GABRA3: variants seen among roughly 807,000 people sequenced by gnomAD.
The protein encoded by GABRA3 is gamma-aminobutyric acid type A receptor subunit alpha3, also known as gamma-aminobutyric acid receptor subunit alpha-3.
Under a neutral mutation model 30.1 loss-of-function variants are expected in GABRA3, and 10 were observed. That is an observed-to-expected ratio of 0.33 (90% CI 0.20 to 0.56). The LOEUF (loss-of-function observed/expected upper bound fraction) is 0.56. Ranked by LOEUF, GABRA3 falls within the 20% of genes least tolerant of loss-of-function variation. The pLI, the probability that GABRA3 is intolerant of heterozygous loss-of-function variation, is 0.89. For synonymous variants in GABRA3, 151 were observed against 146.8 expected (o/e 1.03, Z -0.21); for missense variants, 233 against 392.0 (o/e 0.59, Z 3.42).
rs185793366 is a variant in GABRA3 at position 152,166,431 on chromosome X, G to A, written c.*1797C>T. On this transcript the variant is annotated 3_prime_UTR_variant, in exon 10 of 10. Transcript: ENST00000370314. Reference sequence around the variant, plus strand: ...TCTTCTAGTCATGAATTTACCTACAGACACAGTCTTAGGAATAATGGGACG... The same window carrying A: ...TCTTCTAGTCATGAATTTACCTACAAACACAGTCTTAGGAATAATGGGACG... 9.2e-5 allele frequency: 8 copies of A among 87,305 alleles called. No individual in the cohort carries two copies. The highest frequency in any genetic ancestry group is 3.2e-4 in the African/African-American group (7 of 22,207). The allele number at this position is 87,305 out of a possible 1,213,427, so 7.2% of individuals were successfully genotyped here.
intron 6 of GABRA3, among the ~76,000 whole-genome samples, chrX:152,217,539 T>C (rs982114484): frequency 9.0e-6 from 1 of 111,696 alleles, no homozygotes; most frequent in Non-Finnish European, 1.9e-5. Flanking sequence ...CTGGTATTGA[T>C]TGGTATCAAG....
intron 6 of GABRA3, among the ~76,000 whole-genome samples, chrX:152,211,031 T>G (rs913077562): frequency 2.8e-4 from 31 of 111,115 alleles, no homozygotes; most frequent in African/African-American, 1.0e-3. Context: ...TTAGTACATA[T>G]GCTTGGGGTA....
intron 8 of GABRA3, among the ~76,000 whole-genome samples, chrX:152,190,397 C>T (rs1937308628): frequency 9.0e-6 from 1 of 111,581 alleles, no homozygotes; most frequent in East Asian, 2.8e-4. Flanking sequence ...CTTCAGAGAC[C>T]TAAAAAGGGT....
At chrX:152,185,522 A>G (rs1220526863) in intron 9 of GABRA3, among the ~76,000 whole-genome samples, 1 of 111,407 alleles carries the variant, frequency 9.0e-6, no homozygotes, top group Non-Finnish European at 1.9e-5. Context: ...CTGGCCATAA[A>G]AAAAAATCTG....
At chrX:152,407,208 T>G (rs903527238) in intron 1 of GABRA3, among the ~76,000 whole-genome samples, 2 of 110,981 alleles carry the variant, frequency 1.8e-5, no homozygotes, top group Non-Finnish European at 3.8e-5. Context: ...TCAAAGTTAG[T>G]AGAAGAAAGG....
chrX:152,376,744 C>T (rs188494841), intron 1 of GABRA3, among the ~76,000 whole-genome samples: 1 of 112,008 alleles, frequency 8.9e-6, no homozygotes, highest in African/African-American at 3.2e-5. Context: ...TAATCATCTA[C>T]ATTCTGCCTT....
intron 9 of GABRA3, among the ~76,000 whole-genome samples, chrX:152,175,266 G>A (rs534102359): frequency 2.0e-4 from 21 of 106,821 alleles, no homozygotes; most frequent in South Asian, 1.2e-3. Context: ...TTTTTTTTTC[G>A]GAGAGAAATA....
chrX:152,294,987 C>A (rs1395432907), intron 3 of GABRA3, among the ~76,000 whole-genome samples: 1 of 111,108 alleles, frequency 9.0e-6, no homozygotes, highest in Non-Finnish European at 1.9e-5. Flanking sequence ...CCCTGTTTGC[C>A]TGGGTATCAC....
intron 4 of GABRA3, among the ~76,000 whole-genome samples, chrX:152,280,683 G>C (rs916018759): frequency 2.7e-5 from 3 of 110,852 alleles, no homozygotes; most frequent in Non-Finnish European, 1.9e-5. Context: ...CATTAAGCTA[G>C]ATGGTTAGTT....
At chrX:152,209,921 A>G (rs192761784) in intron 6 of GABRA3, among the ~76,000 whole-genome samples, 141 of 112,521 alleles carry the variant, frequency 1.3e-3, no homozygotes, top group Non-Finnish European at 1.4e-3. Context: ...CCTTGTATAT[A>G]GTCTCAGTCA....
At chrX:152,428,708 C>A (rs755984252) in intron 1 of GABRA3, among the ~76,000 whole-genome samples, 4 of 111,661 alleles carry the variant, frequency 3.6e-5, no homozygotes, top group African/African-American at 1.3e-4. Context: ...GTAAAGATGA[C>A]AGTGAGTTCT....
At chrX:152,315,004 C>T (rs772100168) in intron 3 of GABRA3, among the ~76,000 whole-genome samples, 1 of 110,800 alleles carries the variant, frequency 9.0e-6, no homozygotes, top group Non-Finnish European at 1.9e-5. Flanking sequence ...GGAGGCAGGA[C>T]CAAATTGCAG....
intron 1 of GABRA3, among the ~76,000 whole-genome samples, chrX:152,440,746 A>G (rs1930904871): frequency 9.0e-6 from 1 of 111,724 alleles, no homozygotes; most frequent in Non-Finnish European, 1.9e-5. Flanking sequence ...CATCATTCTC[A>G]GCAAACTAAC....
intron 1 of GABRA3, among the ~76,000 whole-genome samples, chrX:152,431,991 T>C (rs1312793691): frequency 8.9e-6 from 1 of 112,245 alleles, no homozygotes; most frequent in Non-Finnish European, 1.9e-5. Context: ...AAGTTTGTGG[T>C]AATTTGTTAC....
intron 9 of GABRA3, among the ~76,000 whole-genome samples, chrX:152,188,682 T>C (rs1694551700): frequency 8.9e-6 from 1 of 112,190 alleles, no homozygotes; most frequent in African/African-American, 3.2e-5. Flanking sequence ...AAGGAGTTAA[T>C]AAATTTTATC....
At position 152,233,232 on chromosome X, in the gene GABRA3, C is replaced by T. The variant is rs184885392; in HGVS notation, c.552-8387G>A. ...AGCCCTCTGTCAGATGAGTAGGTTGCGAAAATTTTCTCCCATTTTGTGGGA... is the reference window on the plus strand; with the variant it reads ...AGCCCTCTGTCAGATGAGTAGGTTGTGAAAATTTTCTCCCATTTTGTGGGA... On this transcript the variant is annotated intron_variant, in intron 5 of 9. Transcript: ENST00000370314. Among the ~76,000 whole-genome samples the T allele has an allele frequency of 8.3e-5, 9 of 108,878 alleles. No homozygotes were observed. The South Asian group carries it at 1.6e-3, about 19-fold the overall frequency. 94.5% of individuals were successfully genotyped at this position (108,878 alleles called of 115,157 possible).
At chrX:152,369,415 C>T (rs1928763864) in intron 1 of GABRA3, among the ~76,000 whole-genome samples, 1 of 110,659 alleles carries the variant, frequency 9.0e-6, no homozygotes, top group East Asian at 2.8e-4. Context: ...ACCTGATCTC[C>T]AAATAGCTGG....
intron 1 of GABRA3, among the ~76,000 whole-genome samples, chrX:152,381,989 T>C (rs1290320723): frequency 1.8e-5 from 2 of 111,661 alleles, no homozygotes; most frequent in Non-Finnish European, 3.8e-5. Flanking sequence ...TTTGCTAACA[T>C]GAACAGTGCC....
At chrX:152,249,217 T>C (rs1392249035) in intron 5 of GABRA3, among the ~76,000 whole-genome samples, 2 of 111,197 alleles carry the variant, frequency 1.8e-5, no homozygotes, top group African/African-American at 6.5e-5. Context: ...AGGCAACTTA[T>C]TTACTTGTAG....
Sources: allele counts gnomAD v4.1 joint callset (sites outside exome capture counted in the v4.1 genomes callset), GRCh38; gene constraint gnomAD v4.1.1; transcripts MANE v1.5; gene names NCBI Gene and HGNC (gene_info 2026-07-23, HGNC 2026-07-21).